NRXN1: variants seen among roughly 807,000 people sequenced by gnomAD.
NRXN1 encodes neurexin-1.
In NRXN1, 39 loss-of-function variants were observed where a neutral mutation model predicts 150.9. That is an observed-to-expected ratio of 0.26 (90% CI 0.20 to 0.34). NRXN1 has a LOEUF of 0.34. NRXN1 is among the 10% of genes least tolerant of loss of function. The pLI, the probability that NRXN1 is intolerant of heterozygous loss-of-function variation, is 1.00. For synonymous variants in NRXN1, 924 were observed against 757.0 expected, an observed-to-expected ratio of 1.22 and a Z score of -3.62; for missense variants, 1,815 against 1,949.9, an observed-to-expected ratio of 0.93 and a Z score of 1.30.
intron 5 of NRXN1, among the ~76,000 whole-genome samples, chr2:50,710,484 T>A (rs1456269549): frequency 6.6e-6 from 1 of 152,136 alleles, no homozygotes; most frequent in East Asian, 1.9e-4. Flanking sequence ...TTGGGTTTGA[T>A]TTCTCTATTT....
intron 19 of NRXN1, among the ~76,000 whole-genome samples, chr2:50,061,961 C>T (rs952334283): frequency 5.3e-5 from 8 of 151,766 alleles, no homozygotes; most frequent in African/African-American, 1.9e-4. Flanking sequence ...CTCCCTTCCC[C>T]CCAATCCCTG....
At chr2:49,948,365 T>G (rs1673329381) in intron 21 of NRXN1, among the ~76,000 whole-genome samples, 1 of 152,132 alleles carries the variant, frequency 6.6e-6, no homozygotes, top group Non-Finnish European at 1.5e-5. Flanking sequence ...ACAATGGTAC[T>G]TCCTATAGCC....
intron 5 of NRXN1, among the ~76,000 whole-genome samples, chr2:50,797,576 G>A (rs756161947): frequency 6.6e-6 from 1 of 152,164 alleles, no homozygotes; most frequent in African/African-American, 2.4e-5. Flanking sequence ...ACAGGTTAAT[G>A]TAGACTCTTC....
chr2:50,070,132 G>C (rs930366864), intron 19 of NRXN1, among the ~76,000 whole-genome samples: 1 of 152,034 alleles, frequency 6.6e-6, no homozygotes, highest in African/African-American at 2.4e-5. Flanking sequence ...TTACAGGTGT[G>C]AGCCACTGCG....
chr2:50,010,743 A>G (rs1685522522), intron 21 of NRXN1, among the ~76,000 whole-genome samples: 2 of 152,148 alleles, frequency 1.3e-5, no homozygotes, highest in South Asian at 4.1e-4. Context: ...ATAACAAAAG[A>G]AATTCTCAAT....
chr2:50,847,509 C>T (rs570034035), intron 5 of NRXN1, among the ~76,000 whole-genome samples: 3 of 152,192 alleles, frequency 2.0e-5, no homozygotes, highest in East Asian at 3.9e-4. Flanking sequence ...AAAGGCCAGT[C>T]CCTGGCTAGG....
At chr2:50,589,913 G>A (rs949261911) in intron 8 of NRXN1, among the ~76,000 whole-genome samples, 1 of 152,174 alleles carries the variant, frequency 6.6e-6, no homozygotes, top group Admixed American at 6.6e-5. Context: ...AGCACCACAT[G>A]AAGTCAGAAA....
rs80293130 is a variant in NRXN1 at position 50,506,533 on chromosome 2, C to T, written c.2459G>A (p.Ser820Asn). ...TTGGTCATCCACTGTTAACTTTAAA[C>T]TTTTTCCACGCCGAACTACACGCAC... ...HTVRVVRRGK[S>N]LKLTVDDQQA... is the part of the protein sequence containing the mutation. Residue 820 changes from serine to asparagine, a missense_variant, in exon 13 of 23, where the codon AGT becomes AAT. This residue lies in a region of NRXN1 where 638 missense variants were observed against 652.6 expected (regional missense o/e 0.98). Coordinates refer to ENST00000401669, the MANE Select transcript of NRXN1 (RefSeq NM_001330078.2). The T allele has an allele frequency of 2.5e-4, 411 of 1,613,096 alleles. 2 individuals are homozygous for T. The highest frequency in any genetic ancestry group is 1.1e-3 in the South Asian group (100 of 91,002).
At chr2:50,245,052 G>T (rs2066372397) in intron 17 of NRXN1, among the ~76,000 whole-genome samples, 1 of 151,918 alleles carries the variant, frequency 6.6e-6, no homozygotes, top group Non-Finnish European at 1.5e-5. Flanking sequence ...TATGCAATAA[G>T]TGGTCCACTT....
chr2:50,919,919 C>A (rs1003542606), intron 5 of NRXN1: 1 of 264,620 alleles, frequency 3.8e-6, no homozygotes, highest in South Asian at 3.5e-5. Context: ...CAAATGTTTT[C>A]ATTTCCTTGT....
chr2:50,492,983 G>C (rs963576088), intron 15 of NRXN1, among the ~76,000 whole-genome samples: 2 of 152,138 alleles, frequency 1.3e-5, no homozygotes, highest in Admixed American at 1.3e-4. Flanking sequence ...GTCTGAGATA[G>C]GATCCAGAAA....
chr2:50,645,046 T>C (rs1477208193), intron 5 of NRXN1, among the ~76,000 whole-genome samples: 1 of 151,892 alleles, frequency 6.6e-6, no homozygotes, highest in Non-Finnish European at 1.5e-5. Context: ...TCAAACTTTC[T>C]GAATACAAAA....
intron 17 of NRXN1, among the ~76,000 whole-genome samples, chr2:50,362,295 T>C (rs1345469147): frequency 6.6e-6 from 1 of 152,040 alleles, no homozygotes; most frequent in Non-Finnish European, 1.5e-5. Flanking sequence ...AAATAGGAAA[T>C]AGGAAGTCAA....
chr2:50,680,009 G>A (rs1427258632), intron 5 of NRXN1, among the ~76,000 whole-genome samples: 2 of 151,596 alleles, frequency 1.3e-5, no homozygotes, highest in Non-Finnish European at 1.5e-5. Context: ...GTGTGCGCCT[G>A]TAGTCCTAGC....
At chr2:50,478,327 C>A (rs1238063511) in intron 15 of NRXN1, among the ~76,000 whole-genome samples, 1 of 152,022 alleles carries the variant, frequency 6.6e-6, no homozygotes, top group Non-Finnish European at 1.5e-5. Flanking sequence ...TACAAGTAAA[C>A]AAATATAAAC....
chr2:50,968,244 C>A (rs1382504876), intron 2 of NRXN1, among the ~76,000 whole-genome samples: 1 of 152,098 alleles, frequency 6.6e-6, no homozygotes, highest in East Asian at 1.9e-4. Flanking sequence ...AGAATATGAT[C>A]CACATCTCAA....
In NRXN1 at chr2:50,830,411, G is replaced by A. The variant is rs577529831; in HGVS notation, c.832+91458C>T. Among the ~76,000 whole-genome samples the A allele has an allele frequency of 2.0e-5, 3 of 151,630 alleles. 1 individual carries two copies. The highest frequency in any genetic ancestry group is 4.2e-4 in the South Asian group (2 of 4,778). On this transcript the variant is annotated intron_variant, in intron 5 of 22. Transcript: ENST00000401669. Reference sequence around the variant, plus strand: ...GATTTTATTGTGAATTGTCACACACGGTAGTTTTATTAGTACCTATTCAAC... The same window carrying A: ...GATTTTATTGTGAATTGTCACACACAGTAGTTTTATTAGTACCTATTCAAC...
chr2:50,252,188 T>G (rs1329574413), intron 17 of NRXN1, among the ~76,000 whole-genome samples: 1 of 150,830 alleles, frequency 6.6e-6, no homozygotes, highest in Non-Finnish European at 1.5e-5. Flanking sequence ...AAGTCTTTTT[T>G]TTTTTTAACT....
chr2:50,279,023 A>G (rs1239866393), intron 17 of NRXN1, among the ~76,000 whole-genome samples: 1 of 152,182 alleles, frequency 6.6e-6, no homozygotes, highest in Non-Finnish European at 1.5e-5. Context: ...TTCTCTTTTT[A>G]TATTTTAAGG....
Sources: gnomAD v4.1 joint callset for allele counts (sites outside exome capture counted in the v4.1 genomes callset) on GRCh38, gnomAD v4.1.1 for gene constraint, gnomAD v4.1.1 regional missense constraint, MANE v1.5 for transcripts, NCBI Gene and HGNC (gene_info 2026-07-23, HGNC 2026-07-21) for gene names.